The following AGBL5 variants were observed in gnomAD, a reference collection of about 807,000 sequenced individuals.
The protein encoded by AGBL5 is AGBL carboxypeptidase 5.
Under a neutral mutation model 88.0 loss-of-function variants are expected in AGBL5, and 51 were observed. That is an observed-to-expected ratio of 0.58 (90% CI 0.46 to 0.73). AGBL5 has a LOEUF of 0.73. AGBL5 is among the 30% of genes least tolerant of loss of function. The probability of loss-of-function intolerance (pLI) is 0.00; values close to 1 mark genes in which losing one functional copy is unlikely to be tolerated. For synonymous variants in AGBL5, 446 were observed against 438.8 expected (o/e 1.02, Z -0.21); for missense variants, 1,031 against 1,162.2 (o/e 0.89, Z 1.64).
rs1260662402 is a variant in AGBL5, at chr2:27,053,369, A to G, written c.216-33A>G. 2.5e-6 allele frequency: 4 copies of G among 1,605,696 alleles called. No homozygotes were observed. The highest frequency in any genetic ancestry group is 3.4e-6 in the Non-Finnish European group (4 of 1,175,054). ...CAGACCATATCTCCAACCCTTCCAC[A>G]CGTAATGACCTCTCTCTTACTCTGG... is the stretch of plus-strand genomic sequence containing the variant. On this transcript the variant is annotated intron_variant, in intron 2 of 14. Coordinates refer to ENST00000360131, the MANE Select transcript of AGBL5 (RefSeq NM_021831.6). The surrounding 1 kb of genome is among the most constrained non-coding windows in gnomAD (Gnocchi z 4.9).
rs1017138690 is a variant in AGBL5, at chr2:27,070,359, AGCC to A, written c.*98_*100del. The A allele has an allele frequency of 7.6e-7, 1 of 1,324,098 alleles. No individual in the cohort carries two copies. Among genetic ancestry groups the A allele is most frequent in the African/African-American group, 1.4e-5 (1 of 69,504 alleles). The allele number at this position is 1,324,098 out of a possible 1,614,324, so 82.0% of individuals were successfully genotyped here. A position where few individuals can be genotyped will look rare whatever the true frequency, so the allele number is the denominator to read the frequency against. ...CTCCAGGCCGCTGATTCCATGTGAC[AGCC>A]GTTAAGTCCTTGGAATGCCAGCCAC... On this transcript the variant is annotated 3_prime_UTR_variant, in exon 15 of 15. Coordinates refer to ENST00000360131, the MANE Select transcript of AGBL5 (RefSeq NM_021831.6).
chr2:27,059,112 A>C lies in AGBL5; in HGVS notation c.1875-78A>C, dbSNP rs972750757. The C allele has an allele frequency of 6.4e-6, 9 of 1,403,436 alleles. No homozygotes were observed. In the South Asian group the frequency reaches 1.2e-4, roughly 19 times the overall value. 86.9% of individuals were successfully genotyped at this position (1,403,436 alleles called of 1,614,324 possible). A position where few individuals can be genotyped will look rare whatever the true frequency, so the allele number is the denominator to read the frequency against. On this transcript the variant is annotated intron_variant, in intron 10 of 14. Transcript: ENST00000360131. Reference sequence around the variant, plus strand: ...CTTTTTACCCCAGAGGTGAAGCTTTACTGAGCAGCAGATCCTAGGGAAAGC... The same window carrying C: ...CTTTTTACCCCAGAGGTGAAGCTTTCCTGAGCAGCAGATCCTAGGGAAAGC...
intron 11 of AGBL5, among the ~76,000 whole-genome samples, chr2:27,064,440 T>C (rs778099270): frequency 6.6e-6 from 1 of 151,484 alleles, no homozygotes; most frequent in Non-Finnish European, 1.5e-5. Context: ...GGCCTACAGG[T>C]GCACACCACC....
intron 12 of AGBL5, among the ~76,000 whole-genome samples, chr2:27,068,424 T>C (rs1669101171): frequency 6.6e-6 from 1 of 152,110 alleles, no homozygotes; most frequent in Non-Finnish European, 1.5e-5. Context: ...GTTGTTACAC[T>C]GAGGAGGGGG....
chr2:27,061,813 C>T (rs1454000594), intron 11 of AGBL5: 1 of 151,876 alleles, frequency 6.6e-6, no homozygotes, highest in African/African-American at 2.4e-5. Flanking sequence ...TTCTAGGCCC[C>T]TCTTTTTTTT....
At position 27,055,573 on chromosome 2, in the gene AGBL5, G is replaced by T. The variant is rs1459167314; in HGVS notation, c.909-109G>T. On this transcript the variant is annotated intron_variant, in intron 6 of 14. Coordinates refer to ENST00000360131, the MANE Select transcript of AGBL5 (RefSeq NM_021831.6). ...TTCTTTCTTTCCTAACATAGCTTCA[G>T]CCTCTCATTTGATAAGTCAGTCTCC... The T allele has an allele frequency of 4.9e-6, 5 of 1,017,452 alleles. No individual in the cohort carries two copies. The East Asian group carries it at 1.2e-4, about 25-fold the overall frequency. 63.0% of individuals were successfully genotyped at this position (1,017,452 alleles called of 1,614,324 possible). A position where few individuals can be genotyped will look rare whatever the true frequency, so the allele number is the denominator to read the frequency against.
chr2:27,062,427 G>C (rs963348205), intron 11 of AGBL5: 26 of 152,096 alleles, frequency 1.7e-4, no homozygotes, highest in African/African-American at 6.3e-4. Flanking sequence ...CGTCCGGCTA[G>C]GCACTTTTTA....
chr2:27,070,555 G>C lies in AGBL5; in HGVS notation c.*292G>C, dbSNP rs1473098454. 5 of 335,302 alleles carry C rather than the reference G, an allele frequency of 1.5e-5. No homozygotes were observed. The highest frequency in any genetic ancestry group is 6.9e-5 in the South Asian group (1 of 14,592). The allele number at this position is 335,302 out of a possible 1,614,324, so 20.8% of individuals were successfully genotyped here. A position where few individuals can be genotyped will look rare whatever the true frequency, so the allele number is the denominator to read the frequency against. On this transcript the variant is annotated 3_prime_UTR_variant, in exon 15 of 15. Transcript: ENST00000360131. ...AAGCCCCTATACTGGGCCCTATTCA[G>C]TGGCAGCTTCTTGTTCCATAGGATT...
chr2:27,056,760 T>C lies in AGBL5; in HGVS notation c.1503T>C (p.Val501=). Residue 501 remains valine, a synonymous_variant, in exon 8 of 15, where the codon GTT becomes GTC. Transcript: ENST00000360131. ...AGTCTAAAGAGGGAAGCGGCCGTGT[T>C]GCAATCTACAAAGCCTCAGGGATAA... ...DGQSKEGSGR[V]AIYKASGIIH... is the part of the protein sequence containing the mutation. 2 of 1,613,264 alleles carry C rather than the reference T, an allele frequency of 1.2e-6. No homozygotes were observed. Among genetic ancestry groups the C allele is most frequent in the South Asian group, 2.2e-5 (2 of 90,986 alleles).
chr2:27,056,353 A>C (rs1342877918), intron 7 of AGBL5: 12 of 621,734 alleles, frequency 1.9e-5, no homozygotes, highest in Non-Finnish European at 3.3e-5. Flanking sequence ...AGGAAAGCTA[A>C]CTGCATTATA....
At position 27,053,486 on chromosome 2, in the gene AGBL5, G is replaced by A; in HGVS notation, c.300G>A (p.Lys100=). ...TTATGAACATGAACAAGCAGAGCAA[G>A]CTGTATTCCCAGGGCATGGCCCCCT... ...INIMNMNKQS[K]LYSQGMAPFV... The change falls in exon 3 of 15, where the codon AAG becomes AAA. Residue 100 remains lysine, a synonymous_variant. Coordinates refer to ENST00000360131, the MANE Select transcript of AGBL5 (RefSeq NM_021831.6). This position sits in a 1 kb window ranked among gnomAD's most constrained non-coding sequence, Gnocchi z 4.9. 6.2e-7 allele frequency: 1 copy of A among 1,614,162 alleles called. No individual in the cohort carries two copies. The highest frequency in any genetic ancestry group is 8.5e-7 in the Non-Finnish European group (1 of 1,180,044).
chr2:27,055,387 T>C (rs1668377199), intron 6 of AGBL5, 134 bp downstream of exon 6: 1 of 1,240,034 alleles, frequency 8.1e-7, no homozygotes, highest in Non-Finnish European at 1.1e-6. Context: ...GCCCATCTCA[T>C]CTTCCTGAGA....
intron 13 of AGBL5, chr2:27,069,094 G>C (rs1669141082): frequency 7.4e-7 from 1 of 1,345,190 alleles, no homozygotes; most frequent in African/African-American, 1.5e-5. Context: ...GGATTCCCCA[G>C]GTAACACATT....
At chr2:27,050,676 T>C (rs1274247140), upstream of AGBL5, among the ~76,000 whole-genome samples, 2 of 152,216 alleles carry the variant, frequency 1.3e-5, no homozygotes, top group Admixed American at 6.5e-5. Flanking sequence ...GTCCCATGGG[T>C]CTCCTGCCCT....
At chr2:27,059,487 G>T (rs749590710) in intron 11 of AGBL5, 83 bp downstream of exon 11, 3 of 1,593,058 alleles carry the variant, frequency 1.9e-6, no homozygotes, top group East Asian at 2.2e-5. Context: ...AAGATATACT[G>T]TTGGCCCAGG....
At position 27,068,743 on chromosome 2, in the gene AGBL5, A is replaced by C. The variant is rs770001654; in HGVS notation, c.2354A>C (p.Gln785Pro). 6.2e-7 allele frequency: 1 copy of C among 1,614,040 alleles called. No homozygotes were observed. Among genetic ancestry groups the C allele is most frequent in the Admixed American group, 1.7e-5 (1 of 60,012 alleles). The change falls in exon 13 of 15, where the codon CAG becomes CCG. Residue 785 changes from glutamine to proline, a missense_variant and splice_region_variant. Gln to Pro is a moderately conservative substitution (Grantham distance 76). Coordinates refer to ENST00000360131, the MANE Select transcript of AGBL5 (RefSeq NM_021831.6). ...ARMPCIKTRLQARPRLGRGSP... is the reference protein window; with the variant it reads ...ARMPCIKTRLPARPRLGRGSP... ...ATGCCCTGCATCAAGACTCGATTGC[A>C]GGTAATATTTTTGGGTCTCCAGCAT...
intron 11 of AGBL5, 56 bp downstream of exon 11, chr2:27,059,460 G>A (rs755071561): frequency 6.2e-7 from 1 of 1,606,282 alleles, no homozygotes; most frequent in South Asian, 1.1e-5. Flanking sequence ...GGCATTGCTG[G>A]GGGAAGTAAG....
chr2:27,053,656 A>G lies in AGBL5; in HGVS notation c.387+83A>G. ...AAAGCGTTTTTTTTTCCTTGATACA[A>G]GTATGAAGCAGGTGGGACAACAGGT... On this transcript the variant is annotated intron_variant, in intron 3 of 14. Coordinates refer to ENST00000360131, the MANE Select transcript of AGBL5 (RefSeq NM_021831.6). The surrounding 1 kb of genome is among the most constrained non-coding windows in gnomAD (Gnocchi z 4.9). 2.0e-6 allele frequency: 3 copies of G among 1,509,632 alleles called. No individual in the cohort carries two copies. Among genetic ancestry groups the G allele is most frequent in the Non-Finnish European group, 2.7e-6 (3 of 1,129,288 alleles). 93.5% of individuals were successfully genotyped at this position (1,509,632 alleles called of 1,614,324 possible).
rs913708639 is a variant in AGBL5, at chr2:27,070,195, C to T, written c.2593C>T (p.Pro865Ser). ...ATCCTGGAATTGTTACAGCAGGGGT[C>T]CCTTGGGCCAACCTGAGGTTTGTTT... ...SPSWNCYSRG[P>S]LGQPEVCFVP... Residue 865 changes from proline to serine, a missense_variant, in exon 15 of 15, where the codon CCC becomes TCC. Coordinates refer to ENST00000360131, the MANE Select transcript of AGBL5 (RefSeq NM_021831.6). The T allele has an allele frequency of 6.2e-7, 1 of 1,614,210 alleles. No homozygotes were observed. Among genetic ancestry groups the T allele is most frequent in the African/African-American group, 1.3e-5 (1 of 75,068 alleles).
Sources: gnomAD v4.1 joint callset for allele counts (sites outside exome capture counted in the v4.1 genomes callset) on GRCh38, gnomAD v4.1.1 for gene constraint, Gnocchi (gnomAD v3.1) non-coding constraint, MANE v1.5 for transcripts, NCBI Gene and HGNC (gene_info 2026-07-23, HGNC 2026-07-21) for gene names.